TNKS1BP1: variants seen among roughly 807,000 people sequenced by gnomAD.
TNKS1BP1 encodes 182 kDa tankyrase-1-binding protein.
Under a neutral mutation model 141.1 loss-of-function variants are expected in TNKS1BP1, and 48 were observed. The ratio of observed to expected loss-of-function variants is 0.34; its 90% CI spans 0.27 to 0.43. The LOEUF is 0.43. Ranked by LOEUF, TNKS1BP1 falls within the 20% of genes least tolerant of loss-of-function variation. The pLI is 1.00. For synonymous variants in TNKS1BP1, 875 were observed against 898.2 expected (o/e 0.97, Z 0.46); for missense variants, 2,149 against 2,226.0 (o/e 0.97, Z 0.70).
intron 9 of TNKS1BP1, among the ~76,000 whole-genome samples, chr11:57,301,582 A>G (rs12787728): frequency 0.035 from 5,404 of 152,268 alleles, 148 homozygotes; most frequent in Non-Finnish European, 0.047. Flanking sequence ...GAGGTTCCAG[A>G]ATAAGAACAC....
Position 57,321,919 on chromosome 11 carries a change from G to A in TNKS1BP1, c.-34C>T. On this transcript the variant is annotated 5_prime_UTR_variant, in exon 2 of 12. Transcript: ENST00000358252. Reference sequence around the variant, plus strand: ...GCAGACCCTCCTTGAGAGCGGGGAGGCAGAGAGGTATGAGCTGGGGTGGCT... The same window carrying A: ...GCAGACCCTCCTTGAGAGCGGGGAGACAGAGAGGTATGAGCTGGGGTGGCT... 6.2e-7 allele frequency: 1 copy of A among 1,612,786 alleles called. No homozygotes were observed.
In TNKS1BP1 at chr11:57,308,926, C is replaced by T. The variant is rs751998263; in HGVS notation, c.3785G>A (p.Gly1262Asp). 1.5e-5 allele frequency: 24 copies of T among 1,614,050 alleles called. No homozygotes were observed. In the South Asian group the frequency reaches 2.4e-4, roughly 16 times the overall value. ...ESGVGQTDWS[G>D]VEAGEFLKSR... Reference sequence around the variant, plus strand: ...TTTAAGGAACTCTCCGGCCTCCACACCTGACCAGTCAGTCTGCCCCACGCC... The same window carrying T: ...TTTAAGGAACTCTCCGGCCTCCACATCTGACCAGTCAGTCTGCCCCACGCC... Residue 1262 changes from glycine to aspartate, a missense_variant, in exon 6 of 12, where the codon GGT (glycine) becomes GAT (aspartate). Gly to Asp is a moderately conservative substitution (Grantham distance 94, BLOSUM62 -1). Coordinates refer to ENST00000358252, the MANE Select transcript of TNKS1BP1 (RefSeq NM_033396.3).
Position 57,312,516 on chromosome 11 carries a change from C to A in TNKS1BP1, c.2154+18G>T. The A allele has an allele frequency of 6.8e-7, 1 of 1,464,728 alleles. No individual in the cohort carries two copies. Among genetic ancestry groups the A allele is most frequent in the African/African-American group, 1.4e-5 (1 of 70,562 alleles). 90.7% of individuals were successfully genotyped at this position (1,464,728 alleles called of 1,614,324 possible). On this transcript the variant is annotated intron_variant, in intron 5 of 11. Transcript: ENST00000358252. Reference sequence around the variant, plus strand: ...CCTCTGTCCCCAGAAGTCCCATTCTCCCTATGCCCATTCTCACCTCAGAGC... The same window carrying A: ...CCTCTGTCCCCAGAAGTCCCATTCTACCTATGCCCATTCTCACCTCAGAGC...
chr11:57,301,827 G>A lies in TNKS1BP1; in HGVS notation c.4951C>T (p.Leu1651=). 1 of 1,614,106 alleles carries A rather than the reference G, an allele frequency of 6.2e-7. No homozygotes were observed. The highest frequency in any genetic ancestry group is 1.1e-5 in the South Asian group (1 of 91,038). Residue 1651 remains leucine, a synonymous_variant, in exon 9 of 12, where the codon CTG becomes TTG. Coordinates refer to ENST00000358252, the MANE Select transcript of TNKS1BP1 (RefSeq NM_033396.3). ...KGLKVNLFPG[L]SPSALKAKLR... is the part of the protein sequence containing the mutation. ...GGTACCTTCAGGGCTGAGGGGCTCA[G>A]GCCAGGAAAGAGGTTGACTTTCAGC...
chr11:57,321,123 C>T (rs1448933366), intron 2 of TNKS1BP1, among the ~76,000 whole-genome samples: 1 of 152,106 alleles, frequency 6.6e-6, no homozygotes, highest in Non-Finnish European at 1.5e-5. Context: ...GTTTTTTCAC[C>T]TTATGTGACA....
At chr11:57,322,730 C>A (rs990964348) in intron 1 of TNKS1BP1, among the ~76,000 whole-genome samples, 1 of 152,012 alleles carries the variant, frequency 6.6e-6, no homozygotes, top group African/African-American at 2.4e-5. Flanking sequence ...GCTGGGAGAA[C>A]GGGACAGGGC....
chr11:57,305,378 C>T (rs906139000), intron 6 of TNKS1BP1, among the ~76,000 whole-genome samples: 4 of 152,196 alleles, frequency 2.6e-5, no homozygotes, highest in Admixed American at 6.5e-5. Context: ...ATCCTCAACA[C>T]GGGTCCCTGG....
Position 57,305,032 on chromosome 11 carries a change from C to T in TNKS1BP1, c.4317-2207G>A, listed in dbSNP as rs1432527892. Among the ~76,000 whole-genome samples the T allele has an allele frequency of 2.6e-5, 4 of 152,132 alleles. No homozygotes were observed. In the South Asian group the frequency reaches 8.3e-4, roughly 32 times the overall value. ...GCTACGTCCACCCCGCCGGACTAAA[C>T]CCCACTCGCCCTTCACCCCATCTTA... On this transcript the variant is annotated intron_variant, in intron 6 of 11. Coordinates refer to ENST00000358252, the MANE Select transcript of TNKS1BP1 (RefSeq NM_033396.3).
At chr11:57,315,422 T>C (rs10792086) in intron 4 of TNKS1BP1, among the ~76,000 whole-genome samples, 26,155 of 151,908 alleles carry the variant, frequency 0.17, 2,450 homozygotes, top group African/African-American at 0.25. Flanking sequence ...TGCTTCATCA[T>C]ACTGTTTAAC....
Position 57,320,352 on chromosome 11 carries a change from G to C in TNKS1BP1, c.455C>G (p.Ala152Gly), listed in dbSNP as rs1305763800. 1.2e-6 allele frequency: 2 copies of C among 1,614,178 alleles called. No homozygotes were observed. The highest frequency in any genetic ancestry group is 3.3e-4 in the Middle Eastern group (2 of 6,062). ...VRKAPAPFRPASERFAATTVE... is the reference protein window; with the variant it reads ...VRKAPAPFRPGSERFAATTVE... ...CGTGGTGGCCGCGAAGCGCTCTGAG[G>C]CTGGGCGGAAAGGGGCAGGGGCCTT... The change falls in exon 3 of 12, where the codon GCC (alanine) becomes GGC (glycine). Residue 152 changes from alanine to glycine, a missense_variant. Ala to Gly is a moderately conservative substitution (Grantham distance 60). Transcript: ENST00000358252.
In TNKS1BP1 at chr11:57,309,758, C is replaced by G. The variant is rs1243699942; in HGVS notation, c.2953G>C (p.Gly985Arg). 6.2e-7 allele frequency: 1 copy of G among 1,614,228 alleles called. No individual in the cohort carries two copies. The highest frequency in any genetic ancestry group is 1.7e-5 in the Admixed American group (1 of 60,032). The change falls in exon 6 of 12, where the codon GGG becomes CGG. Residue 985 changes from glycine to arginine, a missense_variant. Physicochemically the swap from Gly to Arg is moderately radical, Grantham distance 125. Coordinates refer to ENST00000358252, the MANE Select transcript of TNKS1BP1 (RefSeq NM_033396.3). This position sits in a 1 kb window ranked among gnomAD's most constrained non-coding sequence, Gnocchi z 4.3. Reference protein sequence around the residue: ...RSFGTRPLSSGFSPEEAQQQD... With the variant: ...RSFGTRPLSSRFSPEEAQQQD... ...TGCTGGGCTTCCTCGGGGCTGAACC[C>G]AGAGCTCAGGGGTCTCGTTCCAAAG...
At chr11:57,318,040 G>A (rs1018549511) in intron 3 of TNKS1BP1, among the ~76,000 whole-genome samples, 153 bp from the exon 4 acceptor site, 1 of 152,202 alleles carries the variant, frequency 6.6e-6, no homozygotes, top group Non-Finnish European at 1.5e-5. Context: ...GCAACTATTA[G>A]GGACACAGAA....
rs537294073 is a variant in TNKS1BP1, at chr11:57,308,500, G to A, written c.4211C>T (p.Thr1404Ile). The change falls in exon 6 of 12, where the codon ACA (threonine) becomes ATA (isoleucine). Residue 1404 changes from threonine to isoleucine, a missense_variant. Transcript: ENST00000358252. ...LEARELGVGETSGPETQGEDY... is the reference protein window; with the variant it reads ...LEARELGVGEISGPETQGEDY... ...TTCACCCTGGGTCTCTGGCCCACTTGTCTCACCAACCCCCAGCTCCCTGGC... is the reference window on the plus strand; with the variant it reads ...TTCACCCTGGGTCTCTGGCCCACTTATCTCACCAACCCCCAGCTCCCTGGC... 3 of 1,614,132 alleles carry A rather than the reference G, an allele frequency of 1.9e-6. No homozygotes were observed. The highest frequency in any genetic ancestry group is 2.2e-5 in the South Asian group (2 of 91,084).
intron 4 of TNKS1BP1, among the ~76,000 whole-genome samples, chr11:57,314,601 A>C (rs922228324): frequency 2.6e-5 from 4 of 152,150 alleles, no homozygotes; most frequent in Admixed American, 6.5e-5. Flanking sequence ...CTCATCTCCC[A>C]GTTAGGTGAG....
rs764059160 is a variant in TNKS1BP1, at chr11:57,313,233, C to G, written c.1455G>C (p.Ser485=). The G allele has an allele frequency of 1.2e-6, 2 of 1,612,864 alleles. No individual in the cohort carries two copies. The highest frequency in any genetic ancestry group is 1.7e-6 in the Non-Finnish European group (2 of 1,180,002). The change falls in exon 5 of 12, where the codon TCG becomes TCC. Residue 485 remains serine, a synonymous_variant. Transcript: ENST00000358252. The stretch of plus-strand genomic sequence containing the variant: ...AGTCCAGCCGCCACACGCCCAGACC[C>G]GAGGGCCTCGTGGGGAAGGTCCATT... ...SFEWTFPTRP[S]GLGVWRLDSP...
At chr11:57,300,415 TA>T in intron 11 of TNKS1BP1, 112 bp downstream of exon 11, 1 of 988,516 alleles carries the variant, frequency 1.0e-6, no homozygotes, top group Non-Finnish European at 1.5e-6. Context: ...CTGCTGTTTC[TA>T]AACTTGCACA....
rs370478209 is a variant in TNKS1BP1 at position 57,309,552 on chromosome 11, A to G, written c.3159T>C (p.Ala1053=). 19 of 1,613,124 alleles carry G rather than the reference A, an allele frequency of 1.2e-5. No individual in the cohort carries two copies. Among genetic ancestry groups the G allele is most frequent in the Non-Finnish European group, 1.5e-5 (18 of 1,179,996 alleles). The change falls in exon 6 of 12, where the codon GCT becomes GCC. Residue 1053 remains alanine, a synonymous_variant. Transcript: ENST00000358252. The surrounding 1 kb of genome is among the most constrained non-coding windows in gnomAD (Gnocchi z 4.3). ...RDQSSWQNSD[A]SQEVGGHQER... ...CCTGATGCCCTCCCACCTCCTGGCT[A>G]GCATCACTGTTTTGCCAGCTGCTCT...
chr11:57,323,003 T>G (rs1855911338), intron 1 of TNKS1BP1, among the ~76,000 whole-genome samples: 1 of 152,192 alleles, frequency 6.6e-6, no homozygotes, highest in Non-Finnish European at 1.5e-5. Context: ...TCTACCACTT[T>G]CTAGCCCTGT....
In TNKS1BP1 at chr11:57,313,623, C is replaced by G; in HGVS notation, c.1065G>C (p.Gly355=). ...DEGSRHTPSP[G]LPAEGAPEAP... ...CCTCTGGAGCCCCCTCGGCAGGGAG[C>G]CCCGGGCTGGGGGTGTGGCGGGAGC... The change falls in exon 5 of 12, where the codon GGG becomes GGC. Residue 355 remains glycine, a synonymous_variant. Transcript: ENST00000358252. The G allele has an allele frequency of 6.3e-7, 1 of 1,590,896 alleles. No individual in the cohort carries two copies. The highest frequency in any genetic ancestry group is 8.6e-7 in the Non-Finnish European group (1 of 1,168,624).
Sources: allele counts gnomAD v4.1 joint callset (sites outside exome capture counted in the v4.1 genomes callset), GRCh38; gene constraint gnomAD v4.1.1; non-coding constraint Gnocchi (gnomAD v3.1); transcripts MANE v1.5; gene names NCBI Gene and HGNC (gene_info 2026-07-23, HGNC 2026-07-21).